The following PTPRT variants were observed in gnomAD, a reference collection of about 807,000 sequenced individuals.
The protein encoded by PTPRT is receptor-type tyrosine-protein phosphatase T.
Under a neutral mutation model 176.8 loss-of-function variants are expected in PTPRT, and 56 were observed. The observed-to-expected ratio is 0.32, with a 90% CI of 0.26 to 0.40. PTPRT has a LOEUF of 0.40. Ranked by LOEUF, PTPRT falls within the 10% of genes least tolerant of loss-of-function variation. The pLI is 1.00. For synonymous variants in PTPRT, 783 were observed against 739.0 expected (o/e 1.06, Z -0.96); for missense variants, 1,540 against 1,908.2 (o/e 0.81, Z 3.60).
intron 7 of PTPRT, among the ~76,000 whole-genome samples, chr20:42,672,837 C>G (rs951537900): frequency 6.6e-6 from 1 of 152,196 alleles, no homozygotes; most frequent in African/African-American, 2.4e-5. Context: ...CCTGCCTTAG[C>G]TGAATTGCCT....
intron 7 of PTPRT, among the ~76,000 whole-genome samples, chr20:42,541,464 A>C (rs772714401): frequency 6.6e-6 from 1 of 152,028 alleles, no homozygotes; most frequent in Non-Finnish European, 1.5e-5. Context: ...GTGGAATATA[A>C]ATCAGTAGGA....
intron 1 of PTPRT, among the ~76,000 whole-genome samples, chr20:43,005,874 GC>G (rs1984830447): frequency 6.6e-6 from 1 of 152,154 alleles, no homozygotes; most frequent in African/African-American, 2.4e-5. Context: ...ATCCAAAGAT[GC>G]TCGTTACAAC....
chr20:42,377,381 C>T (rs2058661918), intron 9 of PTPRT, among the ~76,000 whole-genome samples: 1 of 152,344 alleles, frequency 6.6e-6, no homozygotes, highest in Non-Finnish European at 1.5e-5. Context: ...TCTGGGCAAA[C>T]ACCGGTCATT....
chr20:42,661,966 C>A (rs1343610856), intron 7 of PTPRT, among the ~76,000 whole-genome samples: 1 of 152,154 alleles, frequency 6.6e-6, no homozygotes, highest in Non-Finnish European at 1.5e-5. Context: ...CTGGCTCAGG[C>A]ATCATTTTGG....
At chr20:42,695,196 C>T (rs2075855948) in intron 6 of PTPRT, among the ~76,000 whole-genome samples, 1 of 152,120 alleles carries the variant, frequency 6.6e-6, no homozygotes, top group African/African-American at 2.4e-5. Context: ...TCCTCCTTGC[C>T]TGAGCTTTCA....
chr20:42,716,561 G>A (rs1456770349), intron 6 of PTPRT, among the ~76,000 whole-genome samples: 1 of 152,128 alleles, frequency 6.6e-6, no homozygotes, highest in Non-Finnish European at 1.5e-5. Context: ...TTTGAGAAGT[G>A]CCTGTTCATA....
At chr20:42,997,214 A>G (rs1426440994) in intron 1 of PTPRT, among the ~76,000 whole-genome samples, 2 of 150,458 alleles carry the variant, frequency 1.3e-5, no homozygotes, top group African/African-American at 2.5e-5. Flanking sequence ...CCACTGCCCC[A>G]TTAACACGGG....
chr20:43,040,070 A>G (rs1326508893), intron 1 of PTPRT, among the ~76,000 whole-genome samples: 1 of 152,106 alleles, frequency 6.6e-6, no homozygotes, highest in Non-Finnish European at 1.5e-5. Flanking sequence ...AGAAGAAAGA[A>G]GGAAGAAAGA....
intron 16 of PTPRT, among the ~76,000 whole-genome samples, chr20:42,194,572 A>G (rs567208819): frequency 5.9e-5 from 9 of 152,300 alleles, no homozygotes; most frequent in African/African-American, 2.2e-4. Context: ...TGAACAAAAG[A>G]GATAAAGAAG....
chr20:42,467,836 T>C (rs1341558806), intron 8 of PTPRT, among the ~76,000 whole-genome samples: 1 of 152,238 alleles, frequency 6.6e-6, no homozygotes, highest in African/African-American at 2.4e-5. Flanking sequence ...TTTCTAGCTT[T>C]GAAAATTTTC....
In PTPRT at chr20:42,538,422, C is replaced by G. The variant is rs2145569183; in HGVS notation, c.1154-65860G>C. On this transcript the variant is annotated intron_variant, in intron 7 of 30. Coordinates refer to ENST00000373187, the MANE Select transcript of PTPRT (RefSeq NM_007050.6). ...GTCTTTGGGCTAAATCTCATGTCCC[C>G]TGTTGGAAGAAATTAATAGGTCCTA... Among the ~76,000 whole-genome samples the G allele has an allele frequency of 1.3e-5, 2 of 152,272 alleles. 1 individual carries two copies. The highest frequency in any genetic ancestry group is 4.1e-4 in the South Asian group (2 of 4,824).
intron 1 of PTPRT, among the ~76,000 whole-genome samples, chr20:42,943,843 T>C (rs575267797): frequency 2.0e-5 from 3 of 151,954 alleles, no homozygotes; most frequent in South Asian, 2.1e-4. Flanking sequence ...AGCAACACCC[T>C]GTCTCTACAA....
intron 9 of PTPRT, among the ~76,000 whole-genome samples, chr20:42,447,518 C>T (rs753429279): frequency 3.9e-5 from 6 of 152,036 alleles, no homozygotes; most frequent in African/African-American, 1.2e-4. Context: ...CAACCTTACT[C>T]GTATTGCAAT....
At chr20:42,622,215 G>C (rs1305198880) in intron 7 of PTPRT, among the ~76,000 whole-genome samples, 3 of 151,906 alleles carry the variant, frequency 2.0e-5, no homozygotes, top group Admixed American at 2.0e-4. Flanking sequence ...TAGCTTTGGA[G>C]TACATGTAGC....
At chr20:43,032,010 G>T (rs1458904793) in intron 1 of PTPRT, among the ~76,000 whole-genome samples, 1 of 152,162 alleles carries the variant, frequency 6.6e-6, no homozygotes, top group Non-Finnish European at 1.5e-5. Flanking sequence ...GGTGACCTGA[G>T]ATTTGGGGCA....
intron 1 of PTPRT, among the ~76,000 whole-genome samples, chr20:43,068,240 C>T (rs566382614): frequency 4.7e-4 from 70 of 149,290 alleles, no homozygotes; most frequent in Non-Finnish European, 8.0e-4. Flanking sequence ...CGCAGTGGCT[C>T]ATGCCTGTAA....
At chr20:42,893,985 C>T (rs1437829267) in intron 1 of PTPRT, among the ~76,000 whole-genome samples, 3 of 151,212 alleles carry the variant, frequency 2.0e-5, no homozygotes, top group Admixed American at 6.6e-5. Flanking sequence ...ACATTGTGCA[C>T]ATGTACCCTA....
intron 11 of PTPRT, among the ~76,000 whole-genome samples, chr20:42,338,925 G>C (rs992656334): frequency 2.0e-5 from 3 of 152,056 alleles, no homozygotes; most frequent in Non-Finnish European, 4.4e-5. Flanking sequence ...AGCAAATTCA[G>C]ATTTGCTGAC....
intron 1 of PTPRT, among the ~76,000 whole-genome samples, chr20:42,890,291 T>A (rs1057171900): frequency 6.6e-6 from 1 of 152,162 alleles, no homozygotes; most frequent in African/African-American, 2.4e-5. Flanking sequence ...AGGCAACTTT[T>A]ATGAGTTTTC....
Sources: gnomAD v4.1 joint callset for allele counts (sites outside exome capture counted in the v4.1 genomes callset) on GRCh38, gnomAD v4.1.1 for gene constraint, MANE v1.5 for transcripts, NCBI Gene and HGNC (gene_info 2026-07-23, HGNC 2026-07-21) for gene names.